Variants in SMYD3 observed in about 807,000 individuals in gnomAD.
SMYD3 encodes the protein SET and MYND domain containing 3.
In SMYD3, 36 loss-of-function variants were observed where a neutral mutation model predicts 57.7. The ratio of observed to expected loss-of-function variants is 0.62; its 90% confidence interval spans 0.48 to 0.82. The LOEUF is 0.82. SMYD3 is among the 40% of genes least tolerant of loss of function. SMYD3 has a pLI of 0.00. For missense variants in SMYD3, 515 were observed against 538.8 expected (o/e 0.96, Z 0.44); for synonymous variants, 211 against 195.0 (o/e 1.08, Z -0.68).
In SMYD3 at chr1:246,306,290, TG is replaced by T. The variant is rs142835548; in HGVS notation, c.531+20910del. 0.014 allele frequency among the ~76,000 whole-genome samples: 2,092 copies of T among 152,158 alleles called. 195 individuals carry two copies. The East Asian group carries it at 0.23, about 17-fold the overall frequency. On this transcript the variant is annotated intron_variant, in intron 5 of 11. Coordinates refer to ENST00000490107, the MANE Select transcript of SMYD3 (RefSeq NM_001167740.2). Reference sequence around the variant, plus strand: ...CGAGCCCAGGAGGCAGAGGTTGCAATGGGCAAAGATTGTGCCACTGCACTCC... The same window carrying T: ...CGAGCCCAGGAGGCAGAGGTTGCAATGGCAAAGATTGTGCCACTGCACTCC...
At chr1:246,290,575 G>C (rs1268241935) in intron 5 of SMYD3, among the ~76,000 whole-genome samples, 2 of 152,146 alleles carry the variant, frequency 1.3e-5, no homozygotes, top group Non-Finnish European at 2.9e-5. Context: ...ATATTTTCAA[G>C]GCCATAAACA....
intron 5 of SMYD3, among the ~76,000 whole-genome samples, chr1:246,285,954 G>C (rs1254280110): frequency 6.6e-6 from 1 of 152,080 alleles, no homozygotes; most frequent in African/African-American, 2.4e-5. Context: ...CCTTTCTCCC[G>C]CAAGAATGGC....
intron 10 of SMYD3, among the ~76,000 whole-genome samples, chr1:245,821,140 C>T (rs1212566544): frequency 6.7e-6 from 1 of 150,114 alleles, no homozygotes; most frequent in East Asian, 2.0e-4. Context: ...TACCTGACTT[C>T]AAACTATACT....
chr1:245,847,146 C>T (rs2050708955), intron 10 of SMYD3, among the ~76,000 whole-genome samples: 1 of 152,194 alleles, frequency 6.6e-6, no homozygotes, highest in Admixed American at 6.5e-5. Flanking sequence ...CATTCTATCT[C>T]ACGAGCTCAA....
chr1:246,474,473 T>G (rs1400334240), intron 1 of SMYD3, among the ~76,000 whole-genome samples: 1 of 137,464 alleles, frequency 7.3e-6, no homozygotes, highest in Admixed American at 8.2e-5. Context: ...GGGCCAAGAT[T>G]GAGCCACTGC....
At chr1:246,030,024 T>A (rs59322696) in intron 5 of SMYD3, among the ~76,000 whole-genome samples, 3 of 145,166 alleles carry the variant, frequency 2.1e-5, no homozygotes, top group Non-Finnish European at 4.5e-5. Context: ...TTTTTTTTTT[T>A]ACAAAAGAAA....
chr1:245,909,098 T>TA (rs1296031325), intron 8 of SMYD3, among the ~76,000 whole-genome samples: 1 of 151,848 alleles, frequency 6.6e-6, no homozygotes. Context: ...CTCAAATAAG[T>TA]AAAATCAGTG....
rs1163713342 is a variant in SMYD3 at position 246,202,943 on chromosome 1, T to G, written c.531+124258A>C. 6.6e-6 allele frequency among the ~76,000 whole-genome samples: 1 copy of G among 151,946 alleles called. No individual in the cohort carries two copies. On this transcript the variant is annotated intron_variant, in intron 5 of 11. Coordinates refer to ENST00000490107, the MANE Select transcript of SMYD3 (RefSeq NM_001167740.2). The surrounding 1 kb of genome is among the most constrained non-coding windows in gnomAD (Gnocchi z 4.1). ...GAGTTCGAGACCAGCCTGGCCAATATGGGAAAACCCGTCTCTACTAAAAAT... is the reference window on the plus strand; with the variant it reads ...GAGTTCGAGACCAGCCTGGCCAATAGGGGAAAACCCGTCTCTACTAAAAAT...
intron 5 of SMYD3, among the ~76,000 whole-genome samples, chr1:246,257,971 G>A (rs1488530362): frequency 1.3e-5 from 2 of 152,172 alleles, no homozygotes; most frequent in African/African-American, 2.4e-5. Context: ...ATGCTGCCAT[G>A]CTTCCTGTAT....
chr1:246,480,119 C>T (rs1358871017), intron 1 of SMYD3, among the ~76,000 whole-genome samples: 5 of 152,088 alleles, frequency 3.3e-5, no homozygotes, highest in African/African-American at 1.2e-4. Flanking sequence ...CTATAATTTG[C>T]AAACAATAAA....
intron 5 of SMYD3, chr1:245,953,387 C>T: frequency 1.0e-6 from 1 of 968,288 alleles, no homozygotes; most frequent in Non-Finnish European, 1.2e-6. Context: ...AAAAAGCAAA[C>T]ATAAAGTAAA....
rs147135163 is a variant in SMYD3, at chr1:246,321,876, GT to G, written c.531+5324del. The G allele has an allele frequency of 2.5e-3, 383 of 152,538 alleles. 2 individuals carry two copies. The highest frequency in any genetic ancestry group is 8.8e-3 in the African/African-American group (366 of 41,492). 9.4% of individuals were successfully genotyped at this position (152,538 alleles called of 1,614,324 possible). A position where few individuals can be genotyped will look rare whatever the true frequency, so the allele number is the denominator to read the frequency against. On this transcript the variant is annotated intron_variant, in intron 5 of 11. Coordinates refer to ENST00000490107, the MANE Select transcript of SMYD3 (RefSeq NM_001167740.2). ...CAATCCTCCCACCTCAGCCTCCCAA[GT>G]AGCTGGAACTACAGGTGTGTACCAC...
intron 10 of SMYD3, among the ~76,000 whole-genome samples, chr1:245,817,210 A>C (rs1028555840): frequency 4.1e-5 from 6 of 146,950 alleles, no homozygotes; most frequent in African/African-American, 1.5e-4. Flanking sequence ...GAGAACGGGC[A>C]GACTGCCTCC....
intron 11 of SMYD3, among the ~76,000 whole-genome samples, chr1:245,757,103 G>A (rs1035727984): frequency 6.6e-6 from 1 of 151,912 alleles, no homozygotes; most frequent in Non-Finnish European, 1.5e-5. Context: ...GCATCATCTT[G>A]TACTGAAACT....
chr1:246,271,951 T>C (rs2064231272), intron 5 of SMYD3, among the ~76,000 whole-genome samples: 1 of 152,234 alleles, frequency 6.6e-6, no homozygotes, highest in Non-Finnish European at 1.5e-5. Context: ...TCCACTTATT[T>C]ATGTTGCCTT....
intron 5 of SMYD3, among the ~76,000 whole-genome samples, chr1:245,970,563 G>GAC: frequency 6.6e-6 from 1 of 152,164 alleles, no homozygotes; most frequent in Non-Finnish European, 1.5e-5. Flanking sequence ...CTATCCATAT[G>GAC]ACAAAGGGCT....
chr1:246,278,075 T>C (rs2064369063), intron 5 of SMYD3, among the ~76,000 whole-genome samples: 1 of 152,144 alleles, frequency 6.6e-6, no homozygotes, highest in South Asian at 2.1e-4. Flanking sequence ...CAGCCAACTT[T>C]AAAAGGTGAG....
At chr1:246,450,698 C>T (rs768099009) in intron 1 of SMYD3, among the ~76,000 whole-genome samples, 9 of 152,148 alleles carry the variant, frequency 5.9e-5, no homozygotes, top group Non-Finnish European at 1.3e-4. Context: ...CAATGCCTAG[C>T]ATGTAACTGA....
At chr1:246,393,661 T>C (rs1356397779) in intron 1 of SMYD3, among the ~76,000 whole-genome samples, 2 of 125,748 alleles carry the variant, frequency 1.6e-5, no homozygotes, top group African/African-American at 6.3e-5. Context: ...CAACATAGCG[T>C]GACCCCCATC....
Sources: allele counts gnomAD v4.1 joint callset (sites outside exome capture counted in the v4.1 genomes callset), GRCh38; gene constraint gnomAD v4.1.1; non-coding constraint Gnocchi (gnomAD v3.1); transcripts MANE v1.5; gene names NCBI Gene and HGNC (gene_info 2026-07-23, HGNC 2026-07-21).